CRISP3: variants seen among roughly 807,000 people sequenced by gnomAD.
The protein encoded by CRISP3 is cysteine rich secretory protein 3, also known as cysteine-rich secretory protein 3.
In CRISP3, 33 loss-of-function variants were observed where a neutral mutation model predicts 36.1. The observed-to-expected ratio is 0.91, with a 90% CI of 0.69 to 1.22. CRISP3 has a LOEUF of 1.22. Among genes scored for constraint, CRISP3 ranks in the 50% most tolerant of loss-of-function variants. The pLI, the probability that CRISP3 is intolerant of heterozygous loss-of-function variation, is 0.00. For synonymous variants in CRISP3, 117 were observed against 104.6 expected (o/e 1.12, Z -0.72); for missense variants, 330 against 301.2 (o/e 1.10, Z -0.71).
chr6:49,733,574 C>G, intron 5 of CRISP3, 129 bp downstream of exon 5: 2 of 917,780 alleles, frequency 2.2e-6, no homozygotes, highest in Non-Finnish European at 3.2e-6. Flanking sequence ...AAATACTCAC[C>G]AAATGCCAGA....
At chr6:49,738,490 G>C (rs1322913149) in intron 1 of CRISP3, among the ~76,000 whole-genome samples, 1 of 152,100 alleles carries the variant, frequency 6.6e-6, no homozygotes, top group Non-Finnish European at 1.5e-5. Flanking sequence ...TTCTGATTTG[G>C]ACTGAACGTT....
Position 49,727,392 on chromosome 6 carries a change from T to A in CRISP3, c.*1338A>T, listed in dbSNP as rs1392941161. 6.6e-6 allele frequency: 1 copy of A among 152,002 alleles called. No homozygotes were observed. Among genetic ancestry groups the A allele is most frequent in the African/African-American group, 2.4e-5 (1 of 41,404 alleles). The allele number at this position is 152,002 out of a possible 1,614,324, so 9.4% of individuals were successfully genotyped here. A position where few individuals can be genotyped will look rare whatever the true frequency, so the allele number is the denominator to read the frequency against. On this transcript the variant is annotated 3_prime_UTR_variant, in exon 8 of 8. Coordinates refer to ENST00000263045, the MANE Select transcript of CRISP3 (RefSeq NM_006061.4). ...ATTCTTGTATTTTTTTTCAAGACAC[T>A]TTTTATTTTGCATTGCTTTCTTAGA...
At position 49,736,376 on chromosome 6, in the gene CRISP3, A is replaced by G; in HGVS notation, c.228+15T>C. 1 of 1,549,958 alleles carries G rather than the reference A, an allele frequency of 6.5e-7. No homozygotes were observed. Among genetic ancestry groups the G allele is most frequent in the Non-Finnish European group, 8.9e-7 (1 of 1,123,254 alleles). ...GCTTGTTCACACCCCTCTCCTTTGC[A>G]ATATCACCTCTTACCATCTTCAGCA... On this transcript the variant is annotated intron_variant, in intron 3 of 7. Coordinates refer to ENST00000263045, the MANE Select transcript of CRISP3 (RefSeq NM_006061.4).
At chr6:49,736,144 C>T (rs597544) in intron 3 of CRISP3, among the ~76,000 whole-genome samples, 26,436 of 151,900 alleles carry the variant, frequency 0.17, 2,988 homozygotes, top group African/African-American at 0.32. Flanking sequence ...GGCTTTTCAC[C>T]GTATGTCCAA....
intron 7 of CRISP3, 35 bp from the exon 8 acceptor site, chr6:49,728,892 A>T: frequency 6.3e-7 from 1 of 1,589,882 alleles, no homozygotes; most frequent in African/African-American, 1.3e-5. Flanking sequence ...TCACTTCATT[A>T]TCATTTTCTT....
rs1352448104 is a variant in CRISP3, at chr6:49,727,472, GT to G, written c.*1257del. On this transcript the variant is annotated 3_prime_UTR_variant, in exon 8 of 8. Transcript: ENST00000263045. ...AGAATTCCTAGATAGCCCTCACCCA[GT>G]TTCAGTTTCTCTAACGTTATCATCT... 6 of 151,960 alleles carry G rather than the reference GT, an allele frequency of 3.9e-5. No individual in the cohort carries two copies. The highest frequency in any genetic ancestry group is 7.4e-5 in the Non-Finnish European group (5 of 67,956). 9.4% of individuals were successfully genotyped at this position (151,960 alleles called of 1,614,324 possible). A position where few individuals can be genotyped will look rare whatever the true frequency, so the allele number is the denominator to read the frequency against.
intron 1 of CRISP3, among the ~76,000 whole-genome samples, chr6:49,739,279 CT>C (rs759582962): frequency 5.9e-5 from 9 of 152,186 alleles, no homozygotes; most frequent in Admixed American, 1.3e-4. Flanking sequence ...AGGTATTCTT[CT>C]TTCCTTTAGG....
chr6:49,735,358 G>A (rs1490606495), intron 4 of CRISP3, 146 bp downstream of exon 4: 2 of 597,248 alleles, frequency 3.3e-6, no homozygotes, highest in Non-Finnish European at 5.8e-6. Flanking sequence ...GCTTCTCAGA[G>A]TTATCTCTAC....
In CRISP3 at chr6:49,728,799, T is replaced by C. The variant is rs769630926; in HGVS notation, c.708A>G (p.Leu236=). The change falls in exon 8 of 8, where the codon TTA becomes TTG. Residue 236 remains leucine (L), a synonymous_variant. Coordinates refer to ENST00000263045, the MANE Select transcript of CRISP3 (RefSeq NM_006061.4). The part of the protein sequence containing the change: ...YSNCKSLKLT[L]TCKHQLVRDS... ...CCCTGACCAACTGATGTTTACAGGT[T>C]AATGTGAGCTTCAAACTTTTACAGT... is the stretch of plus-strand genomic sequence containing the variant. 6.0e-5 allele frequency: 96 copies of C among 1,612,688 alleles called. No homozygotes were observed. The highest frequency in any genetic ancestry group is 7.8e-5 in the Non-Finnish European group (92 of 1,179,262).
chr6:49,740,294 G>A (rs956488711), intron 1 of CRISP3, among the ~76,000 whole-genome samples: 2 of 152,130 alleles, frequency 1.3e-5, no homozygotes, highest in Non-Finnish European at 2.9e-5. Flanking sequence ...GGCTTTAACA[G>A]TCCATTTTGT....
rs115884662 is a variant in CRISP3, at chr6:49,735,011, G to A, written c.316+493C>T. On this transcript the variant is annotated intron_variant, in intron 4 of 7. Coordinates refer to ENST00000263045, the MANE Select transcript of CRISP3 (RefSeq NM_006061.4). ...GAAAATAATAAAAGTTAATGCTAAT[G>A]TTAAATACGTTTTTCATAAAATTCA... Among the ~76,000 whole-genome samples, 1,157 of 152,074 alleles carry A rather than the reference G, an allele frequency of 7.6e-3. 20 individuals are homozygous for A. The highest frequency in any genetic ancestry group is 0.027 in the African/African-American group (1,103 of 41,506).
intron 1 of CRISP3, among the ~76,000 whole-genome samples, chr6:49,742,486 G>A (rs1185976873): frequency 2.0e-5 from 3 of 151,954 alleles, no homozygotes; most frequent in Non-Finnish European, 2.9e-5. Flanking sequence ...ACAAAAGTTA[G>A]CCGGGCATGG....
chr6:49,735,405 A>C, intron 4 of CRISP3, 99 bp downstream of exon 4: 1 of 853,172 alleles, frequency 1.2e-6, no homozygotes, highest in South Asian at 1.6e-5. Flanking sequence ...TAGCATTAGA[A>C]GCAATATTTA....
Position 49,736,421 on chromosome 6 carries a change from T to C in CRISP3, c.198A>G (p.Val66=), listed in dbSNP as rs952876642. ...VNKHNELRRA[V]SPPARNMLKM... Reference sequence around the variant, plus strand: ...TCAGCATGTTTCTGGCAGGGGGAGATACTGCTCTCCTCAGTTCATTGTGCT... The same window carrying C: ...TCAGCATGTTTCTGGCAGGGGGAGACACTGCTCTCCTCAGTTCATTGTGCT... Residue 66 remains valine, a synonymous_variant, in exon 3 of 8, where the codon GTA becomes GTG. Coordinates refer to ENST00000263045, the MANE Select transcript of CRISP3 (RefSeq NM_006061.4). 1.2e-6 allele frequency: 2 copies of C among 1,613,040 alleles called. No individual in the cohort carries two copies. Among genetic ancestry groups the C allele is most frequent in the South Asian group, 1.1e-5 (1 of 90,978 alleles).
intron 1 of CRISP3, among the ~76,000 whole-genome samples, chr6:49,739,918 C>T (rs1003643329): frequency 6.6e-6 from 1 of 152,136 alleles, no homozygotes; most frequent in African/African-American, 2.4e-5. Context: ...GTGTAAGTCA[C>T]TGAGTCCTAC....
At chr6:49,733,650 C>T (rs1768968862) in intron 5 of CRISP3, 53 bp downstream of exon 5, 6 of 1,476,346 alleles carry the variant, frequency 4.1e-6, no homozygotes, top group African/African-American at 1.4e-5. Context: ...TTGAAGAATC[C>T]TTTTTTTTTA....
intron 2 of CRISP3, among the ~76,000 whole-genome samples, chr6:49,736,789 A>G (rs974669361): frequency 1.3e-5 from 2 of 152,178 alleles, no homozygotes; most frequent in Non-Finnish European, 2.9e-5. Context: ...ATTTTTCTAA[A>G]TATATGAGTG....
intron 1 of CRISP3, among the ~76,000 whole-genome samples, chr6:49,737,749 A>T (rs1033062802): frequency 6.6e-6 from 1 of 152,222 alleles, no homozygotes; most frequent in Non-Finnish European, 1.5e-5. Context: ...ATAACAATTC[A>T]GTAGCTTCCA....
At chr6:49,742,245 CA>C (rs1304710070) in intron 1 of CRISP3, among the ~76,000 whole-genome samples, 1 of 152,104 alleles carries the variant, frequency 6.6e-6, no homozygotes, top group Non-Finnish European at 1.5e-5. Flanking sequence ...TACATGTTAG[CA>C]TAAAGATATC....
Sources: allele counts gnomAD v4.1 joint callset (sites outside exome capture counted in the v4.1 genomes callset), GRCh38; gene constraint gnomAD v4.1.1; transcripts MANE v1.5; gene names NCBI Gene and HGNC (gene_info 2026-07-23, HGNC 2026-07-21).